PCOLCE2: variants seen among roughly 807,000 people sequenced by gnomAD.
PCOLCE2 encodes procollagen C-proteinase enhancer 2.
A neutral mutation model predicts 47.0 loss-of-function variants in PCOLCE2; 42 were observed. The ratio of observed to expected loss-of-function variants is 0.89; its 90% CI spans 0.70 to 1.16. The LOEUF (loss-of-function observed/expected upper bound fraction) is 1.16. PCOLCE2 is among the 50% of genes most tolerant of loss of function. PCOLCE2 has a pLI of 0.00. For missense variants in PCOLCE2, 500 were observed against 526.1 expected (o/e 0.95, Z 0.49); for synonymous variants, 169 against 191.7 (o/e 0.88, Z 0.98).
Position 142,848,399 on chromosome 3 carries a change from T to A in PCOLCE2, c.266A>T (p.Asp89Val). Residue 89 changes from aspartate to valine, a missense_variant, in exon 3 of 9, where the codon GAC becomes GTC. Coordinates refer to ENST00000295992, the MANE Select transcript of PCOLCE2 (RefSeq NM_013363.4). ...ATGGCCATTGTACACATCCACAAAG[T>A]CATAGCGGCACAGGTTGTCACTCTC... The part of the protein sequence containing the change: ...DLESDNLCRY[D>V]FVDVYNGHAN... 6.2e-7 allele frequency: 1 copy of A among 1,614,000 alleles called. No homozygotes were observed. The highest frequency in any genetic ancestry group is 8.5e-7 in the Non-Finnish European group (1 of 1,179,840).
chr3:142,829,942 A>G, intron 5 of PCOLCE2, 96 bp from the exon 6 acceptor site: 1 of 630,394 alleles, frequency 1.6e-6, no homozygotes, highest in South Asian at 2.6e-5. Flanking sequence ...TTCCGACAAT[A>G]GATTACCAGT....
chr3:142,825,771 C>T (rs981117843), intron 6 of PCOLCE2, among the ~76,000 whole-genome samples: 3 of 152,098 alleles, frequency 2.0e-5, no homozygotes, highest in South Asian at 2.1e-4. Flanking sequence ...TCATTTTCTA[C>T]ACAATGCCTT....
At chr3:142,886,127 T>C (rs1470328671) in intron 2 of PCOLCE2, among the ~76,000 whole-genome samples, 2 of 152,210 alleles carry the variant, frequency 1.3e-5, no homozygotes, top group Admixed American at 6.5e-5. Flanking sequence ...GACATCCAGA[T>C]GGAGCATCCA....
At chr3:142,881,829 A>G (rs1423743970) in intron 2 of PCOLCE2, among the ~76,000 whole-genome samples, 3 of 152,244 alleles carry the variant, frequency 2.0e-5, no homozygotes, top group Non-Finnish European at 4.4e-5. Context: ...TAAAGATGGT[A>G]ATACTTGAGT....
intron 6 of PCOLCE2, among the ~76,000 whole-genome samples, chr3:142,828,931 T>C (rs1937115429): frequency 6.6e-6 from 1 of 152,222 alleles, no homozygotes; most frequent in Non-Finnish European, 1.5e-5. Flanking sequence ...GGCGCCTGCC[T>C]GTACTCAGCC....
intron 6 of PCOLCE2, 37 bp from the exon 7 acceptor site, chr3:142,823,652 A>C (rs1560128983): frequency 8.2e-7 from 1 of 1,212,842 alleles, no homozygotes; most frequent in Non-Finnish European, 1.2e-6. Context: ...ACGAAAAATG[A>C]ATTCAAGCAT....
intron 6 of PCOLCE2, chr3:142,827,845 G>A (rs1937102280): frequency 5.6e-6 from 3 of 539,520 alleles, no homozygotes; most frequent in Non-Finnish European, 9.9e-6. Flanking sequence ...CAAGGCGACA[G>A]CCTAATTTAT....
rs73864459 is a variant in PCOLCE2 at position 142,829,110 on chromosome 3, C to G, written c.865+582G>C. 2.3e-3 allele frequency among the ~76,000 whole-genome samples: 350 copies of G among 152,188 alleles called. 1 individual carries two copies. Among genetic ancestry groups the G allele is most frequent in the African/African-American group, 8.2e-3 (342 of 41,502 alleles). ...GGGGGTGGAGCTGATAGGCCAGGTA[C>G]TACCTACAGAGACCCTGCCTCTCCA... On this transcript the variant is annotated intron_variant, in intron 6 of 8. Transcript: ENST00000295992.
At position 142,879,372 on chromosome 3, in the gene PCOLCE2, G is replaced by C. The variant is rs151126543; in HGVS notation, c.192+8297C>G. ...CTAAAAATACAAGCAGTACAAATAA[G>C]TATATTTATAAAACATAAAGTTTTC... On this transcript the variant is annotated intron_variant, in intron 2 of 8. Transcript: ENST00000295992. Among the ~76,000 whole-genome samples the C allele has an allele frequency of 3.3e-3, 495 of 152,112 alleles. 3 individuals carry two copies. Among genetic ancestry groups the C allele is most frequent in the African/African-American group, 0.011 (469 of 41,484 alleles).
intron 3 of PCOLCE2, among the ~76,000 whole-genome samples, chr3:142,847,557 G>A (rs552488771): frequency 1.3e-5 from 2 of 152,148 alleles, no homozygotes; most frequent in Admixed American, 6.5e-5. Flanking sequence ...GTTGTTGTTT[G>A]AGACAGGGTC....
chr3:142,857,588 A>G (rs545226938), intron 2 of PCOLCE2, among the ~76,000 whole-genome samples: 2 of 152,362 alleles, frequency 1.3e-5, no homozygotes, highest in South Asian at 4.1e-4. Flanking sequence ...ATTTCTTTTA[A>G]AACAATGAAA....
In PCOLCE2 at chr3:142,848,160, T is replaced by C; in HGVS notation, c.448+57A>G. The C allele has an allele frequency of 2.6e-6, 4 of 1,554,848 alleles. No individual in the cohort carries two copies. The South Asian group carries it at 4.7e-5, about 18-fold the overall frequency. On this transcript the variant is annotated intron_variant, in intron 3 of 8. Coordinates refer to ENST00000295992, the MANE Select transcript of PCOLCE2 (RefSeq NM_013363.4). ...TTTAAAGGAGTAAATAAACATCAAG[T>C]GCCAAGAACAGTGAACCAACATTAC...
chr3:142,867,899 T>C (rs1184619841), intron 2 of PCOLCE2, among the ~76,000 whole-genome samples: 1 of 152,164 alleles, frequency 6.6e-6, no homozygotes, highest in African/African-American at 2.4e-5. Flanking sequence ...TAGGGCAGAA[T>C]TGTGGAGGAC....
chr3:142,821,461 T>C (rs1937014250), intron 7 of PCOLCE2, among the ~76,000 whole-genome samples: 2 of 152,156 alleles, frequency 1.3e-5, no homozygotes, highest in African/African-American at 4.8e-5. Flanking sequence ...TTTGGGCCAC[T>C]AAGATGTGAG....
At chr3:142,850,278 C>T (rs1467920317) in intron 2 of PCOLCE2, among the ~76,000 whole-genome samples, 3 of 152,018 alleles carry the variant, frequency 2.0e-5, no homozygotes, top group East Asian at 1.9e-4. Flanking sequence ...TATGAATCAC[C>T]GAAAAAGTCC....
chr3:142,860,142 CCT>C (rs765128566), intron 2 of PCOLCE2, among the ~76,000 whole-genome samples: 55 of 152,290 alleles, frequency 3.6e-4, no homozygotes, highest in East Asian at 3.9e-4. Context: ...TCTTCCTGCC[CCT>C]GACAGCCACT....
At chr3:142,848,566 T>C in intron 2 of PCOLCE2, 94 bp from the exon 3 acceptor site, 6 of 1,102,888 alleles carry the variant, frequency 5.4e-6, no homozygotes, top group Non-Finnish European at 7.9e-6. Context: ...AAGTATAATA[T>C]CCAAGATAAT....
In PCOLCE2 at chr3:142,883,822, G is replaced by A. The variant is rs563783614; in HGVS notation, c.192+3847C>T. Reference sequence around the variant, plus strand: ...CAAGGAACAGAGGTATTGATGATTTGCCGAGTTTGCAATGAATTTATAATG... The same window carrying A: ...CAAGGAACAGAGGTATTGATGATTTACCGAGTTTGCAATGAATTTATAATG... On this transcript the variant is annotated intron_variant, in intron 2 of 8. Coordinates refer to ENST00000295992, the MANE Select transcript of PCOLCE2 (RefSeq NM_013363.4). Among the ~76,000 whole-genome samples, 3 of 152,142 alleles carry A rather than the reference G, an allele frequency of 2.0e-5. No individual in the cohort carries two copies. The South Asian group carries it at 6.2e-4, about 32-fold the overall frequency.
In PCOLCE2 at chr3:142,880,332, A is replaced by T. The variant is rs139702508; in HGVS notation, c.192+7337T>A. On this transcript the variant is annotated intron_variant, in intron 2 of 8. Transcript: ENST00000295992. The stretch of plus-strand genomic sequence containing the variant: ...GTTTAAAGCCAAGAAATATGTGTTT[A>T]AAGTCAAAATTCCATTCCCCTATCT... Among the ~76,000 whole-genome samples, 664 of 152,184 alleles carry T rather than the reference A, an allele frequency of 4.4e-3. 10 individuals carry two copies. The highest frequency in any genetic ancestry group is 0.015 in the African/African-American group (643 of 41,518).
Sources: allele counts gnomAD v4.1 joint callset (sites outside exome capture counted in the v4.1 genomes callset), GRCh38; gene constraint gnomAD v4.1.1; transcripts MANE v1.5; gene names NCBI Gene and HGNC (gene_info 2026-07-23, HGNC 2026-07-21).